The following WDFY2 variants were observed in gnomAD, a reference collection of about 807,000 sequenced individuals.
The protein encoded by WDFY2 is WD repeat and FYVE domain-containing protein 2.
In WDFY2, 36 loss-of-function variants were observed where a neutral mutation model predicts 56.4. The ratio of observed to expected loss-of-function variants is 0.64; its 90% CI spans 0.49 to 0.84. WDFY2 has a LOEUF of 0.84. WDFY2 is among the 40% of genes least tolerant of loss of function. The pLI is 0.00. For synonymous variants in WDFY2, 176 were observed against 183.7 expected, an observed-to-expected ratio of 0.96 and a Z score of 0.34; for missense variants, 444 against 512.2, an observed-to-expected ratio of 0.87 and a Z score of 1.29.
intron 1 of WDFY2, among the ~76,000 whole-genome samples, chr13:51,659,247 C>T (rs867568091): frequency 2.4e-4 from 36 of 152,096 alleles, no homozygotes; most frequent in Non-Finnish European, 2.6e-4. Context: ...TAGAAGACCT[C>T]CTGATTAGCT....
At chr13:51,725,838 C>A (rs775566044) in intron 5 of WDFY2, among the ~76,000 whole-genome samples, 4 of 152,004 alleles carry the variant, frequency 2.6e-5, no homozygotes, top group Non-Finnish European at 4.4e-5. Context: ...GAACCACAGG[C>A]ATGTGCCACC....
chr13:51,627,116 A>G (rs1014000196), intron 1 of WDFY2, among the ~76,000 whole-genome samples: 1 of 152,222 alleles, frequency 6.6e-6, no homozygotes, highest in Non-Finnish European at 1.5e-5. Context: ...CTTCTGCTGC[A>G]GGCACCTGTG....
intron 1 of WDFY2, among the ~76,000 whole-genome samples, chr13:51,599,012 G>A (rs560984631): frequency 2.9e-4 from 44 of 150,654 alleles, no homozygotes; most frequent in African/African-American, 5.1e-4. Context: ...AGGTTCAAGC[G>A]ATTCTCCTGC....
chr13:51,714,417 AAGTAGC>A (rs1165720741), intron 4 of WDFY2, among the ~76,000 whole-genome samples: 2 of 151,960 alleles, frequency 1.3e-5, no homozygotes, highest in Non-Finnish European at 2.9e-5. Flanking sequence ...TCAGCCTCCC[AAGTAGC>A]TGGAATTACA....
intron 3 of WDFY2, among the ~76,000 whole-genome samples, chr13:51,676,965 G>A (rs1241775970): frequency 6.6e-6 from 1 of 152,174 alleles, no homozygotes; most frequent in Admixed American, 6.5e-5. Flanking sequence ...GAAAAACTTA[G>A]GTTTACATAA....
chr13:51,719,045 A>G (rs553172960), intron 4 of WDFY2, among the ~76,000 whole-genome samples, 153 bp from the exon 5 acceptor site: 1 of 152,250 alleles, frequency 6.6e-6, no homozygotes, highest in South Asian at 2.1e-4. Flanking sequence ...CCCAACCCCC[A>G]CGAGAACCAC....
At chr13:51,595,321 C>T (rs981085663) in intron 1 of WDFY2, among the ~76,000 whole-genome samples, 31 of 152,162 alleles carry the variant, frequency 2.0e-4, no homozygotes, top group African/African-American at 7.5e-4. Flanking sequence ...TATAAACTGG[C>T]AACTAGCAGA....
intron 1 of WDFY2, among the ~76,000 whole-genome samples, chr13:51,639,462 G>A (rs1395007745): frequency 6.6e-6 from 1 of 152,178 alleles, no homozygotes; most frequent in Non-Finnish European, 1.5e-5. Flanking sequence ...GAGGGCAGTA[G>A]TTACTGTCGT....
At chr13:51,634,102 C>A (rs1566327854) in intron 1 of WDFY2, among the ~76,000 whole-genome samples, 1 of 152,132 alleles carries the variant, frequency 6.6e-6, no homozygotes. Flanking sequence ...TTCATCAGCT[C>A]CAAAATGGAC....
chr13:51,662,106 G>T (rs1043738910), intron 2 of WDFY2, among the ~76,000 whole-genome samples: 1 of 152,044 alleles, frequency 6.6e-6, no homozygotes, highest in Admixed American at 6.6e-5. Context: ...GAGTAGCTGA[G>T]ACTACAGGCG....
rs549147046 is a variant in WDFY2, at chr13:51,657,769, T to C, written c.138-2827T>C. Among the ~76,000 whole-genome samples the C allele has an allele frequency of 3.9e-5, 6 of 152,340 alleles. No individual in the cohort carries two copies. In the East Asian group the frequency reaches 1.2e-3, roughly 29 times the overall value. ...ATGGAATTTTTCATTTCAGCTATTGTACTTTTCAATTCCAGAATTTCTCTT... is the reference window on the plus strand; with the variant it reads ...ATGGAATTTTTCATTTCAGCTATTGCACTTTTCAATTCCAGAATTTCTCTT... On this transcript the variant is annotated intron_variant, in intron 1 of 11. Transcript: ENST00000298125.
At position 51,621,802 on chromosome 13, in the gene WDFY2, T is replaced by C. The variant is rs576408753; in HGVS notation, c.137+36978T>C. 5.3e-5 allele frequency among the ~76,000 whole-genome samples: 8 copies of C among 152,172 alleles called. No individual in the cohort carries two copies. The South Asian group carries it at 1.7e-3, about 32-fold the overall frequency. ...GATTAGACTGGTTCTGGAGCAGCCATGTGGTACTAATGACTCTAAAACTTG... is the reference window on the plus strand; with the variant it reads ...GATTAGACTGGTTCTGGAGCAGCCACGTGGTACTAATGACTCTAAAACTTG... On this transcript the variant is annotated intron_variant, in intron 1 of 11. Coordinates refer to ENST00000298125, the MANE Select transcript of WDFY2 (RefSeq NM_052950.4).
intron 1 of WDFY2, among the ~76,000 whole-genome samples, chr13:51,627,930 G>T (rs1316030472): frequency 6.6e-6 from 1 of 152,130 alleles, no homozygotes; most frequent in Non-Finnish European, 1.5e-5. Context: ...AGTCCAGGGG[G>T]TTTTTATGGG....
At chr13:51,627,409 C>A (rs1276863397) in intron 1 of WDFY2, among the ~76,000 whole-genome samples, 2 of 152,026 alleles carry the variant, frequency 1.3e-5, no homozygotes, top group East Asian at 1.9e-4. Flanking sequence ...GCTCTTGTCA[C>A]CCAGGCTGGA....
intron 1 of WDFY2, 143 bp downstream of exon 1, chr13:51,584,967 C>T (rs1388794130): frequency 1.6e-6 from 2 of 1,226,050 alleles, no homozygotes; most frequent in Non-Finnish European, 2.2e-6. Flanking sequence ...CCTGGTGGTG[C>T]CGGTGTTCAG....
chr13:51,738,523 T>A (rs1473165132), intron 6 of WDFY2, among the ~76,000 whole-genome samples: 1 of 152,214 alleles, frequency 6.6e-6, no homozygotes, highest in African/African-American at 2.4e-5. Context: ...GAAACTGACA[T>A]TTAAGAACAT....
chr13:51,683,887 A>C (rs775693420), intron 3 of WDFY2, among the ~76,000 whole-genome samples: 2 of 152,110 alleles, frequency 1.3e-5, no homozygotes, highest in African/African-American at 4.8e-5. Flanking sequence ...CTTGGATGCT[A>C]CAGTGACCCA....
chr13:51,639,538 C>T (rs909911676), intron 1 of WDFY2, among the ~76,000 whole-genome samples: 1 of 151,846 alleles, frequency 6.6e-6, no homozygotes, highest in African/African-American at 2.4e-5. Flanking sequence ...TTTTATACCT[C>T]CTTTGTATCC....
In WDFY2 at chr13:51,719,279, C is replaced by T; in HGVS notation, c.416C>T (p.Ala139Val). 1.9e-6 allele frequency: 3 copies of T among 1,614,114 alleles called. No homozygotes were observed. Among genetic ancestry groups the T allele is most frequent in the South Asian group, 2.2e-5 (2 of 91,078 alleles). ...AGCACAGGACAGGACAAGCAATTTGCCTGGCACTGCTCTGAGAGTGGGCAG... is the reference window on the plus strand; with the variant it reads ...AGCACAGGACAGGACAAGCAATTTGTCTGGCACTGCTCTGAGAGTGGGCAG... ...VLSTGQDKQF[A>V]WHCSESGQRL... is the part of the protein sequence containing the mutation. Residue 139 changes from alanine (A) to valine (V), a missense_variant, in exon 5 of 12, where the codon GCC becomes GTC. By Grantham distance (64) the Ala-to-Val change is moderately conservative. Transcript: ENST00000298125.
Sources: allele counts gnomAD v4.1 joint callset (sites outside exome capture counted in the v4.1 genomes callset), GRCh38; gene constraint gnomAD v4.1.1; transcripts MANE v1.5; gene names NCBI Gene and HGNC (gene_info 2026-07-23, HGNC 2026-07-21).